STPG2: variants seen among roughly 807,000 people sequenced by gnomAD.
STPG2 encodes sperm tail PG-rich repeat containing 2.
In STPG2, 56 loss-of-function variants were observed where a neutral mutation model predicts 54.2. The observed-to-expected ratio is 1.03, with a 90% CI of 0.83 to 1.29. The LOEUF is 1.29. STPG2 is among the 50% of genes most tolerant of loss of function. STPG2 has a pLI of 0.00. For synonymous variants in STPG2, 200 were observed against 181.8 expected (o/e 1.10, Z -0.81); for missense variants, 596 against 544.9 (o/e 1.09, Z -0.93).
chr4:97,495,127 T>C (rs1730579656), intron 4 of STPG2, among the ~76,000 whole-genome samples: 1 of 151,554 alleles, frequency 6.6e-6, no homozygotes, highest in Admixed American at 6.6e-5. Context: ...ATAAACATTT[T>C]AAAAGGCAAA....
At chr4:97,970,329 C>T (rs78303580) in intron 7 of STPG2, among the ~76,000 whole-genome samples, 59,336 of 151,900 alleles carry the variant, frequency 0.39, 11,702 homozygotes, top group Middle Eastern at 0.46. Flanking sequence ...CATATGGAAC[C>T]AAAAAAGAGC....
At chr4:98,138,270 A>G (rs192678834) in intron 1 of STPG2, among the ~76,000 whole-genome samples, 3 of 152,256 alleles carry the variant, frequency 2.0e-5, no homozygotes, top group East Asian at 3.9e-4. Context: ...TAGAGATGGT[A>G]GAGTTTGATA....
chr4:98,052,277 ATTTG>A (rs1460634693), intron 5 of STPG2, among the ~76,000 whole-genome samples: 1 of 150,786 alleles, frequency 6.6e-6, no homozygotes, highest in Non-Finnish European at 1.5e-5. Flanking sequence ...TATGGCTCTT[ATTTG>A]TTTATCTCTT....
At chr4:98,116,963 A>G (rs192281137) in intron 3 of STPG2, among the ~76,000 whole-genome samples, 4 of 152,164 alleles carry the variant, frequency 2.6e-5, no homozygotes, top group Admixed American at 6.5e-5. Flanking sequence ...TCCATAATCA[A>G]TAGGAATTCT....
chr4:97,876,602 T>C (rs1578646903), intron 8 of STPG2, among the ~76,000 whole-genome samples: 4 of 152,062 alleles, frequency 2.6e-5, no homozygotes, highest in Admixed American at 2.0e-4. Context: ...TTTCTTTGAA[T>C]ATCTTTTCCA....
intron 9 of STPG2, among the ~76,000 whole-genome samples, chr4:97,731,840 G>A (rs978981267): frequency 2.6e-5 from 4 of 152,194 alleles, no homozygotes; most frequent in African/African-American, 4.8e-5. Flanking sequence ...CTGTGTGCAC[G>A]AACCTGGGGG....
intron 9 of STPG2, among the ~76,000 whole-genome samples, chr4:97,795,908 G>T (rs946341027): frequency 7.9e-5 from 12 of 152,198 alleles, no homozygotes; most frequent in African/African-American, 2.9e-4. Flanking sequence ...GGTGTGAGAT[G>T]ATATCTCATT....
At chr4:98,120,104 G>A (rs1408465548) in intron 3 of STPG2, among the ~76,000 whole-genome samples, 1 of 151,824 alleles carries the variant, frequency 6.6e-6, no homozygotes, top group Non-Finnish European at 1.5e-5. Flanking sequence ...TGTTTGAAAT[G>A]GAGTCTTGCT....
At chr4:97,811,311 G>C (rs973278297) in intron 9 of STPG2, among the ~76,000 whole-genome samples, 4 of 152,026 alleles carry the variant, frequency 2.6e-5, no homozygotes, top group Admixed American at 1.3e-4. Flanking sequence ...AAAATGACTG[G>C]TTGGCTCTGT....
chr4:97,895,217 C>T (rs576078168), intron 8 of STPG2, among the ~76,000 whole-genome samples: 1 of 151,668 alleles, frequency 6.6e-6, no homozygotes, highest in Non-Finnish European at 1.5e-5. Context: ...AAAAACAGGG[C>T]TTGTTGCTAA....
At chr4:97,742,630 G>A (rs76999668) in intron 9 of STPG2, among the ~76,000 whole-genome samples, 2,718 of 149,898 alleles carry the variant, frequency 0.018, 75 homozygotes, top group African/African-American at 0.063. Context: ...CAACATGGAT[G>A]AAACTGAAGG....
intron 4 of STPG2, among the ~76,000 whole-genome samples, chr4:97,528,486 C>G (rs1337419285): frequency 1.3e-5 from 2 of 151,988 alleles, no homozygotes; most frequent in Admixed American, 6.6e-5. Flanking sequence ...TATAAGGGCT[C>G]TTTTTGGTTA....
At chr4:97,972,720 T>C (rs889212758) in intron 6 of STPG2, among the ~76,000 whole-genome samples, 1 of 152,118 alleles carries the variant, frequency 6.6e-6, no homozygotes, top group African/African-American at 2.4e-5. Context: ...AGGAACCCAG[T>C]GGGAGGTAAT....
chr4:97,827,134 T>G (rs1483613057), intron 9 of STPG2, among the ~76,000 whole-genome samples: 1 of 152,132 alleles, frequency 6.6e-6, no homozygotes. Flanking sequence ...TGGACTAAAT[T>G]AAGATAGAAG....
intron 4 of STPG2, among the ~76,000 whole-genome samples, chr4:97,530,035 C>G (rs929981492): frequency 2.0e-5 from 3 of 152,082 alleles, no homozygotes; most frequent in African/African-American, 2.4e-5. Flanking sequence ...TATTAGTTAA[C>G]TCCTGTGAAA....
chr4:97,581,608 G>T (rs1732865041), intron 10 of STPG2, among the ~76,000 whole-genome samples: 1 of 151,958 alleles, frequency 6.6e-6, no homozygotes, highest in South Asian at 2.1e-4. Flanking sequence ...CATCTTATTA[G>T]AACATTTATC....
chr4:97,907,695 G>C (rs1026441187), intron 8 of STPG2, among the ~76,000 whole-genome samples: 1 of 152,092 alleles, frequency 6.6e-6, no homozygotes, highest in Non-Finnish European at 1.5e-5. Flanking sequence ...ACAGAACAGA[G>C]CCCTCAGAAA....
chr4:97,732,676 G>T (rs1010512753), intron 9 of STPG2, among the ~76,000 whole-genome samples: 1 of 151,992 alleles, frequency 6.6e-6, no homozygotes, highest in Non-Finnish European at 1.5e-5. Context: ...GAAAATATTT[G>T]CAAGCTACGC....
At chr4:97,722,797 A>ATTTT (rs11316033) in intron 9 of STPG2, among the ~76,000 whole-genome samples, 4 of 122,686 alleles carry the variant, frequency 3.3e-5, no homozygotes, top group Admixed American at 1.6e-4. Flanking sequence ...GTCTCTGCCA[A>ATTTT]TTTTTTTTTT....
Sources: gnomAD v4.1 joint callset for allele counts (sites outside exome capture counted in the v4.1 genomes callset) on GRCh38, gnomAD v4.1.1 for gene constraint, MANE v1.5 for transcripts, NCBI Gene and HGNC (gene_info 2026-07-23, HGNC 2026-07-21) for gene names.